PRKN: variants seen among roughly 807,000 people sequenced by gnomAD.
PRKN encodes E3 ubiquitin-protein ligase parkin.
Under a neutral mutation model 59.5 loss-of-function variants are expected in PRKN, and 56 were observed. The ratio of observed to expected loss-of-function variants is 0.94; its 90% CI spans 0.76 to 1.18. PRKN has a LOEUF of 1.18. Among genes scored for constraint, PRKN ranks in the 50% most tolerant of loss-of-function variants. The probability of loss-of-function intolerance (pLI) is 0.00; values close to 1 mark genes in which losing one functional copy is unlikely to be tolerated. For synonymous variants in PRKN, 250 were observed against 222.1 expected (o/e 1.13, Z -1.12); for missense variants, 657 against 596.4 (o/e 1.10, Z -1.06).
chr6:162,342,438 T>C (rs1784220276), intron 2 of PRKN, among the ~76,000 whole-genome samples: 1 of 152,220 alleles, frequency 6.6e-6, no homozygotes, highest in South Asian at 2.1e-4. Context: ...ACATATATTA[T>C]CTCATATCAC....
intron 2 of PRKN, among the ~76,000 whole-genome samples, chr6:162,395,075 C>A (rs974568181): frequency 6.6e-6 from 1 of 152,098 alleles, no homozygotes; most frequent in African/African-American, 2.4e-5. Context: ...AATCAACTCA[C>A]CTATGTAACT....
chr6:161,540,870 G>A (rs1428459879), intron 9 of PRKN, among the ~76,000 whole-genome samples: 6 of 152,194 alleles, frequency 3.9e-5, no homozygotes, highest in Non-Finnish European at 4.4e-5. Flanking sequence ...GCAGCTCTCT[G>A]CTCCACCTCT....
chr6:161,565,459 G>A (rs1433113008), intron 8 of PRKN, among the ~76,000 whole-genome samples: 1 of 152,144 alleles, frequency 6.6e-6, no homozygotes, highest in Non-Finnish European at 1.5e-5. Flanking sequence ...GACCAAGGGT[G>A]GAAGTGATTG....
chr6:162,617,811 C>T (rs2128220117), intron 1 of PRKN, among the ~76,000 whole-genome samples: 1 of 152,066 alleles, frequency 6.6e-6, no homozygotes, highest in East Asian at 1.9e-4. Context: ...TAATAACTAA[C>T]AAGTAATAGT....
At chr6:162,393,476 T>C (rs967166386) in intron 2 of PRKN, among the ~76,000 whole-genome samples, 4 of 151,938 alleles carry the variant, frequency 2.6e-5, no homozygotes, top group African/African-American at 9.7e-5. Context: ...AGGAGATTCA[T>C]AGAGGACAGA....
Position 161,973,350 on chromosome 6 carries a change from A to G in PRKN, c.686T>C (p.Ile229Thr), listed in dbSNP as rs1562430302. ...AGTGATGTTCCGACTATTTGTTGCG[A>G]TCAGGTGCAAAGCTACTGATGTTTC... ...DKETSVALHL[I>T]ATNSRNITCI... Residue 229 changes from isoleucine (I) to threonine (T), a missense_variant, in exon 6 of 12, where the codon ATC becomes ACC. Coordinates refer to ENST00000366898, the MANE Select transcript of PRKN (RefSeq NM_004562.3). 2 of 1,614,030 alleles carry G rather than the reference A, an allele frequency of 1.2e-6. No individual in the cohort carries two copies. Among genetic ancestry groups the G allele is most frequent in the Non-Finnish European group, 8.5e-7 (1 of 1,179,900 alleles).
intron 3 of PRKN, among the ~76,000 whole-genome samples, chr6:162,238,120 AT>A (rs1290703495): frequency 1.3e-5 from 2 of 152,204 alleles, no homozygotes; most frequent in Admixed American, 1.3e-4. Context: ...TGTGTTTGGT[AT>A]TTTAAATCTA....
chr6:161,487,106 G>A lies in PRKN; in HGVS notation c.1083+61748C>T, dbSNP rs61646226. The stretch of plus-strand genomic sequence containing the variant: ...GGTGTCCTGGTTGAGGGGCGATGAG[G>A]TAAGAATGACTAATGCTTATGAACC... On this transcript the variant is annotated intron_variant, in intron 9 of 11. Coordinates refer to ENST00000366898, the MANE Select transcript of PRKN (RefSeq NM_004562.3). The surrounding 1 kb of genome is among the most constrained non-coding windows in gnomAD (Gnocchi z 5.3). 0.072 allele frequency among the ~76,000 whole-genome samples: 10,937 copies of A among 152,240 alleles called. 491 individuals are homozygous for A. Among genetic ancestry groups the A allele is most frequent in the African/African-American group, 0.12 (5,171 of 41,532 alleles).
intron 1 of PRKN, among the ~76,000 whole-genome samples, chr6:162,576,278 TG>T (rs1780551819): frequency 6.6e-6 from 1 of 152,156 alleles, no homozygotes; most frequent in Non-Finnish European, 1.5e-5. Context: ...CAAAAATGCC[TG>T]GACAGTTAGA....
At position 162,339,200 on chromosome 6, in the gene PRKN, G is replaced by A. The variant is rs1179520332; in HGVS notation, c.172-76435C>T. ...GCAGCCACCCCATCTGGGAAGTGAG[G>A]AGCGTCTCCGCCCGGCAGCCACCCC... On this transcript the variant is annotated intron_variant, in intron 2 of 11. Transcript: ENST00000366898. Among the ~76,000 whole-genome samples the A allele has an allele frequency of 6.5e-3, 971 of 149,578 alleles. 16 individuals are homozygous for A. Among genetic ancestry groups the A allele is most frequent in the African/African-American group, 0.023 (901 of 39,698 alleles).
At position 162,388,711 on chromosome 6, in the gene PRKN, C is replaced by T. The variant is rs1218943863; in HGVS notation, c.171+54599G>A. ...ACTGTGCTCGGGGAGGGACATGAAC[C>T]ACCTCACCCTGGACCCCTCTCTCTT... On this transcript the variant is annotated intron_variant, in intron 2 of 11. Coordinates refer to ENST00000366898, the MANE Select transcript of PRKN (RefSeq NM_004562.3). 2.6e-5 allele frequency among the ~76,000 whole-genome samples: 4 copies of T among 152,108 alleles called. No individual in the cohort carries two copies. In the South Asian group the frequency reaches 8.3e-4, roughly 32 times the overall value.
intron 5 of PRKN, among the ~76,000 whole-genome samples, chr6:162,043,264 G>A (rs762887428): frequency 1.2e-4 from 19 of 152,150 alleles, no homozygotes; most frequent in Non-Finnish European, 1.8e-4. Flanking sequence ...TTTGGGTGGG[G>A]ATATAGCCAA....
chr6:162,708,342 A>G (rs1357193406), intron 1 of PRKN, among the ~76,000 whole-genome samples: 5 of 152,222 alleles, frequency 3.3e-5, no homozygotes, highest in Non-Finnish European at 4.4e-5. Context: ...AACGGAGATG[A>G]GTATTCAAGA....
intron 7 of PRKN, among the ~76,000 whole-genome samples, chr6:161,739,602 C>T (rs751663883): frequency 5.9e-5 from 9 of 152,118 alleles, no homozygotes; most frequent in Non-Finnish European, 1.0e-4. Context: ...TCAACATTTC[C>T]TTTCACTACT....
At chr6:161,434,545 G>A (rs1788795472) in intron 9 of PRKN, among the ~76,000 whole-genome samples, 1 of 152,204 alleles carries the variant, frequency 6.6e-6, no homozygotes, top group Admixed American at 6.5e-5. Flanking sequence ...GCTGACTTGT[G>A]TAGACACAAG....
chr6:162,189,086 A>C (rs1013746019), intron 4 of PRKN, among the ~76,000 whole-genome samples: 2 of 151,924 alleles, frequency 1.3e-5, no homozygotes, highest in African/African-American at 4.8e-5. Flanking sequence ...CTTCTATAGG[A>C]GGGAATTGAG....
At chr6:161,537,644 G>A (rs1302071770) in intron 9 of PRKN, among the ~76,000 whole-genome samples, 2 of 152,012 alleles carry the variant, frequency 1.3e-5, no homozygotes, top group Non-Finnish European at 2.9e-5. Flanking sequence ...GTAGAGACGG[G>A]GTTTCACCAT....
At chr6:161,953,485 G>A (rs970531237) in intron 6 of PRKN, among the ~76,000 whole-genome samples, 2 of 152,128 alleles carry the variant, frequency 1.3e-5, no homozygotes, top group Non-Finnish European at 2.9e-5. Flanking sequence ...GTCAAAAGAA[G>A]TAATTCACAG....
At chr6:162,291,974 T>C (rs1327744921) in intron 2 of PRKN, among the ~76,000 whole-genome samples, 21 of 150,992 alleles carry the variant, frequency 1.4e-4, no homozygotes, top group Non-Finnish European at 5.9e-5. Flanking sequence ...TTTTTTTTTT[T>C]TTTTCTGAGA....
Sources: allele counts gnomAD v4.1 joint callset (sites outside exome capture counted in the v4.1 genomes callset), GRCh38; gene constraint gnomAD v4.1.1; non-coding constraint Gnocchi (gnomAD v3.1); transcripts MANE v1.5; gene names NCBI Gene and HGNC (gene_info 2026-07-23, HGNC 2026-07-21).